PNPT1: variants seen among roughly 807,000 people sequenced by gnomAD.
PNPT1 encodes the protein polyribonucleotide nucleotidyltransferase 1.
Under a neutral mutation model 119.5 loss-of-function variants are expected in PNPT1, and 53 were observed. The observed-to-expected ratio is 0.44, with a 90% CI of 0.36 to 0.56. The LOEUF is 0.56. Among genes scored for constraint, PNPT1 ranks in the 20% least tolerant of loss-of-function variants. PNPT1 has a pLI of 0.00. For missense variants in PNPT1, 948 were observed against 938.5 expected (o/e 1.01, Z -0.13); for synonymous variants, 357 against 322.1 (o/e 1.11, Z -1.16).
intron 27 of PNPT1, among the ~76,000 whole-genome samples, chr2:55,637,201 C>G (rs1168276089): frequency 2.0e-5 from 3 of 152,212 alleles, no homozygotes; most frequent in Non-Finnish European, 4.4e-5. Flanking sequence ...GAAACAAAGT[C>G]TCACCTCCTC....
In PNPT1 at chr2:55,654,980, T is replaced by C. The variant is rs755234016; in HGVS notation, c.1442-27A>G. The C allele has an allele frequency of 1.7e-5, 27 of 1,586,016 alleles. 1 individual carries two copies. Among genetic ancestry groups the C allele is most frequent in the Admixed American group, 1.4e-4 (8 of 57,552 alleles). ...TATAGAAAGAAAAATAACTGCTTTA[T>C]ATTAAACTGATTTTTTTAATGTAGA... On this transcript the variant is annotated intron_variant, in intron 17 of 27. Coordinates refer to ENST00000447944, the MANE Select transcript of PNPT1 (RefSeq NM_033109.5).
Position 55,656,161 on chromosome 2 carries a change from T to C in PNPT1, c.1411A>G (p.Arg471Gly). Residue 471 changes from arginine to glycine, a missense_variant, in exon 17 of 28, where the codon AGA becomes GGA. Arg to Gly is a moderately radical substitution (Grantham distance 125, BLOSUM62 -2). Transcript: ENST00000447944. ...VIPRDFPFTIRVTSEVLESNG... is the reference protein window; with the variant it reads ...VIPRDFPFTIGVTSEVLESNG... The stretch of plus-strand genomic sequence containing the variant: ...GACTCTAGGACTTCAGATGTAACTC[T>C]TATGGTGAAAGGAAAATCTCGGGGA... 4.3e-6 allele frequency: 7 copies of C among 1,613,498 alleles called. No homozygotes were observed. Among genetic ancestry groups the C allele is most frequent in the Non-Finnish European group, 5.9e-6 (7 of 1,179,664 alleles).
At chr2:55,687,169 G>C (rs7567115) in intron 2 of PNPT1, among the ~76,000 whole-genome samples, 2 of 145,916 alleles carry the variant, frequency 1.4e-5, no homozygotes, top group African/African-American at 5.2e-5. Flanking sequence ...AACCGAGATC[G>C]CGCCGCTGCA....
chr2:55,675,296 AAAAAAAATATGGCTGG>A (rs1247466766), intron 8 of PNPT1, among the ~76,000 whole-genome samples: 1 of 151,840 alleles, frequency 6.6e-6, no homozygotes, highest in Non-Finnish European at 1.5e-5. Context: ...ATTCAAAAAA[AAAAAAAATATGGCTGG>A]GCATGGGGCT....
intron 8 of PNPT1, among the ~76,000 whole-genome samples, chr2:55,675,534 T>A (rs969391736): frequency 6.6e-6 from 1 of 152,216 alleles, no homozygotes; most frequent in Non-Finnish European, 1.5e-5. Flanking sequence ...AAAAATACTT[T>A]CTAAGAAAAT....
chr2:55,658,401 C>G (rs1026276981), intron 15 of PNPT1, among the ~76,000 whole-genome samples: 2 of 152,082 alleles, frequency 1.3e-5, no homozygotes, highest in Admixed American at 6.6e-5. Flanking sequence ...GGATGAAGAA[C>G]ATGGAGGGGC....
chr2:55,646,829 T>G (rs1696019448), intron 19 of PNPT1, among the ~76,000 whole-genome samples: 1 of 152,096 alleles, frequency 6.6e-6, no homozygotes, highest in Non-Finnish European at 1.5e-5. Flanking sequence ...AAAGTAATCA[T>G]TTTATTTTAT....
intron 18 of PNPT1, among the ~76,000 whole-genome samples, chr2:55,653,537 A>G (rs1186346523): frequency 6.6e-6 from 1 of 152,236 alleles, no homozygotes; most frequent in Non-Finnish European, 1.5e-5. Flanking sequence ...CATGAAGTCT[A>G]AGACTGTTTT....
intron 3 of PNPT1, among the ~76,000 whole-genome samples, chr2:55,685,826 T>C (rs782573): frequency 0.44 from 67,059 of 152,006 alleles, 15,608 homozygotes; most frequent in Non-Finnish European, 0.51. Context: ...TATTTGTTTA[T>C]AACTTACGTA....
Position 55,641,719 on chromosome 2 carries a change from T to C in PNPT1, c.2070-1014A>G, listed in dbSNP as rs567773834. Among the ~76,000 whole-genome samples, 5 of 152,350 alleles carry C rather than the reference T, an allele frequency of 3.3e-5. No individual in the cohort carries two copies. The South Asian group carries it at 1.0e-3, about 32-fold the overall frequency. On this transcript the variant is annotated intron_variant, in intron 25 of 27. Coordinates refer to ENST00000447944, the MANE Select transcript of PNPT1 (RefSeq NM_033109.5). ...AATTATCTCCTTGCCTTTTATTTTA[T>C]TTCAAATAGCTTTGAACATTTTTGC...
In PNPT1 at chr2:55,670,465, C is replaced by T. The variant is rs112662722; in HGVS notation, c.976+854G>A. 2.1e-3 allele frequency among the ~76,000 whole-genome samples: 325 copies of T among 152,294 alleles called. 5 individuals carry two copies. Among genetic ancestry groups the T allele is most frequent in the African/African-American group, 6.9e-3 (285 of 41,554 alleles). On this transcript the variant is annotated intron_variant, in intron 11 of 27. Coordinates refer to ENST00000447944, the MANE Select transcript of PNPT1 (RefSeq NM_033109.5). ...CCGCCCAAAGTGCTGGGATTACAGG[C>T]GTGAGCCACCGCGCCTGGCCAGAGG...
At chr2:55,650,817 G>A (rs1190465596) in intron 18 of PNPT1, among the ~76,000 whole-genome samples, 1 of 150,532 alleles carries the variant, frequency 6.6e-6, no homozygotes, top group African/African-American at 2.4e-5. Flanking sequence ...GAAGTGAGAA[G>A]CCCCTCCGCC....
intron 8 of PNPT1, among the ~76,000 whole-genome samples, chr2:55,674,118 T>C (rs900493741): frequency 4.6e-5 from 7 of 152,236 alleles, no homozygotes; most frequent in Admixed American, 1.3e-4. Flanking sequence ...GTCTAATTCT[T>C]GCACAGATGG....
At chr2:55,637,486 GA>G in intron 27 of PNPT1, 65 bp downstream of exon 27, 2 of 1,440,498 alleles carry the variant, frequency 1.4e-6, no homozygotes, top group Non-Finnish European at 1.9e-6. Context: ...TCAACTTTTT[GA>G]AAAAAACAAT....
intron 8 of PNPT1, 27 bp from the exon 9 acceptor site, chr2:55,673,106 A>AT (rs1559105240): frequency 6.7e-7 from 1 of 1,496,582 alleles, no homozygotes; most frequent in South Asian, 1.3e-5. Flanking sequence ...GAAAAAAAAA[A>AT]TGACTGCCAT....
chr2:55,653,444 T>C (rs1004282010), intron 18 of PNPT1, among the ~76,000 whole-genome samples: 1 of 152,198 alleles, frequency 6.6e-6, no homozygotes. Context: ...TATGATGTCA[T>C]CTTTTATTTT....
chr2:55,656,058 A>C lies in PNPT1; in HGVS notation c.1441+73T>G, dbSNP rs1696375670. 8 of 1,521,026 alleles carry C rather than the reference A, an allele frequency of 5.3e-6. No individual in the cohort carries two copies. In the East Asian group the frequency reaches 1.8e-4, roughly 35 times the overall value. 94.2% of individuals were successfully genotyped at this position (1,521,026 alleles called of 1,614,324 possible). On this transcript the variant is annotated intron_variant, in intron 17 of 27. Coordinates refer to ENST00000447944, the MANE Select transcript of PNPT1 (RefSeq NM_033109.5). ...GTAGTAATAAACAAAATGTAACATTACATTTGAAAACTTAATAATAGAATA... is the reference window on the plus strand; with the variant it reads ...GTAGTAATAAACAAAATGTAACATTCCATTTGAAAACTTAATAATAGAATA...
intron 21 of PNPT1, among the ~76,000 whole-genome samples, 191 bp downstream of exon 21, chr2:55,646,068 T>C (rs2104034107): frequency 6.6e-6 from 1 of 152,254 alleles, no homozygotes; most frequent in Non-Finnish European, 1.5e-5. Flanking sequence ...CCTGAAGTGA[T>C]CTGCCTGCCT....
At position 55,693,702 on chromosome 2, in the gene PNPT1, C is replaced by G. The variant is rs140796438; in HGVS notation, c.122G>C (p.Ser41Thr). 2.5e-3 allele frequency: 4,005 copies of G among 1,614,208 alleles called. 10 individuals are homozygous for G. Among genetic ancestry groups the G allele is most frequent in the Non-Finnish European group, 2.9e-3 (3,391 of 1,180,040 alleles). Residue 41 changes from serine (S) to threonine (T), a missense_variant, in exon 1 of 28, where the codon AGC becomes ACC. Physicochemically the swap from Ser to Thr is moderately conservative, Grantham distance 58. Coordinates refer to ENST00000447944, the MANE Select transcript of PNPT1 (RefSeq NM_033109.5). ...CACGGCCACAGCTCGAGACCCTGCG[C>G]TACTCCATAGTGCTCGCACTTGCAA... Reference protein sequence around the residue: ...TQLQVRALWSSAGSRAVAVDL... With the variant: ...TQLQVRALWSTAGSRAVAVDL...
Sources: gnomAD v4.1 joint callset for allele counts (sites outside exome capture counted in the v4.1 genomes callset) on GRCh38, gnomAD v4.1.1 for gene constraint, MANE v1.5 for transcripts, NCBI Gene and HGNC (gene_info 2026-07-23, HGNC 2026-07-21) for gene names.